BLOC1S5: variants seen among roughly 807,000 people sequenced by gnomAD.
BLOC1S5 encodes the protein biogenesis of lysosome-related organelles complex 1 subunit 5.
BLOC1S5 carries 27 observed loss-of-function variants against 24.3 expected under a neutral mutation model. The observed-to-expected ratio is 1.11, with a 90% CI of 0.82 to 1.53. BLOC1S5 has a LOEUF of 1.53. BLOC1S5 is among the 40% of genes most tolerant of loss of function. The probability of loss-of-function intolerance (pLI) is 0.00; values close to 1 mark genes in which losing one functional copy is unlikely to be tolerated. For synonymous variants in BLOC1S5, 84 were observed against 74.5 expected (o/e 1.13, Z -0.66); for missense variants, 239 against 229.4 (o/e 1.04, Z -0.27).
intron 2 of BLOC1S5, among the ~76,000 whole-genome samples, chr6:8,046,192 G>A (rs1018620039): frequency 3.3e-5 from 5 of 152,136 alleles, no homozygotes; most frequent in South Asian, 2.1e-4. Flanking sequence ...CTTATCAGGG[G>A]TTTCTGCTTT....
intron 3 of BLOC1S5, among the ~76,000 whole-genome samples, chr6:8,040,318 C>T (rs1581415286): frequency 1.3e-5 from 2 of 152,212 alleles, no homozygotes; most frequent in East Asian, 3.9e-4. Flanking sequence ...GGTGAAAATT[C>T]TAACTAGTAA....
chr6:8,035,128 G>A (rs922017488), intron 3 of BLOC1S5, among the ~76,000 whole-genome samples: 2 of 152,080 alleles, frequency 1.3e-5, no homozygotes, highest in Non-Finnish European at 2.9e-5. Context: ...TCGCTTATAA[G>A]TGGGAGCTAA....
chr6:8,054,908 C>T (rs1408579579), intron 2 of BLOC1S5, among the ~76,000 whole-genome samples: 1 of 152,094 alleles, frequency 6.6e-6, no homozygotes, highest in Non-Finnish European at 1.5e-5. Flanking sequence ...TTTTTCATTC[C>T]AATTTTCAAC....
At chr6:8,035,588 T>C (rs572145169) in intron 3 of BLOC1S5, among the ~76,000 whole-genome samples, 13 of 152,236 alleles carry the variant, frequency 8.5e-5, no homozygotes, top group African/African-American at 1.4e-4. Flanking sequence ...GGAGTAACTA[T>C]ACTTACATCA....
intron 3 of BLOC1S5, among the ~76,000 whole-genome samples, chr6:8,034,912 T>C (rs1246211827): frequency 1.3e-5 from 2 of 151,508 alleles, no homozygotes; most frequent in African/African-American, 4.9e-5. Context: ...AATCAACAAG[T>C]GGATAAAGAA....
At chr6:8,061,246 G>T (rs768204395) in intron 2 of BLOC1S5, among the ~76,000 whole-genome samples, 14 of 151,824 alleles carry the variant, frequency 9.2e-5, no homozygotes, top group South Asian at 2.1e-4. Flanking sequence ...AATAAATAAT[G>T]ATGACAAATA....
intron 3 of BLOC1S5, among the ~76,000 whole-genome samples, chr6:8,035,953 C>T (rs1763472125): frequency 6.6e-6 from 1 of 152,124 alleles, no homozygotes; most frequent in African/African-American, 2.4e-5. Context: ...GCACACAGAA[C>T]ATTCTCTGGA....
At chr6:8,044,392 C>T (rs1256644036) in intron 2 of BLOC1S5, among the ~76,000 whole-genome samples, 1 of 151,372 alleles carries the variant, frequency 6.6e-6, no homozygotes. Flanking sequence ...CTTTTTCTTT[C>T]CAGTCTTGGG....
chr6:8,019,870 T>C (rs1290823002), intron 4 of BLOC1S5, among the ~76,000 whole-genome samples: 1 of 152,132 alleles, frequency 6.6e-6, no homozygotes, highest in South Asian at 2.1e-4. Context: ...GACGACACCC[T>C]ATGAAAAAGT....
At chr6:8,016,776 G>A (rs1421590379) in intron 4 of BLOC1S5, among the ~76,000 whole-genome samples, 1 of 149,072 alleles carries the variant, frequency 6.7e-6, no homozygotes, top group Non-Finnish European at 1.5e-5. Flanking sequence ...AGCTACTCGG[G>A]AAACTGAGGC....
chr6:8,050,661 G>A (rs1220165102), intron 2 of BLOC1S5, among the ~76,000 whole-genome samples: 2 of 151,224 alleles, frequency 1.3e-5, no homozygotes, highest in African/African-American at 2.4e-5. Context: ...GGAGTGCGGC[G>A]GTGTGATCTC....
At chr6:8,018,922 C>T (rs914133261) in intron 4 of BLOC1S5, among the ~76,000 whole-genome samples, 1 of 152,230 alleles carries the variant, frequency 6.6e-6, no homozygotes, top group Non-Finnish European at 1.5e-5. Flanking sequence ...CCCCTCCATT[C>T]CTAGATTCAA....
At chr6:8,055,931 G>A (rs2113600120) in intron 2 of BLOC1S5, among the ~76,000 whole-genome samples, 1 of 152,290 alleles carries the variant, frequency 6.6e-6, no homozygotes, top group African/African-American at 2.4e-5. Flanking sequence ...TTGGGAGGTG[G>A]GGTCTGGGCC....
intron 3 of BLOC1S5, among the ~76,000 whole-genome samples, chr6:8,029,404 T>C (rs1376304830): frequency 2.0e-5 from 3 of 152,188 alleles, no homozygotes; most frequent in African/African-American, 4.8e-5. Flanking sequence ...ATGGTTTCTA[T>C]GCTAAAAGAG....
intron 4 of BLOC1S5, among the ~76,000 whole-genome samples, chr6:8,018,516 C>G (rs1000312636): frequency 1.3e-5 from 2 of 152,194 alleles, no homozygotes; most frequent in Non-Finnish European, 2.9e-5. Flanking sequence ...CCAACCAGAA[C>G]GCATTTTATC....
chr6:8,061,322 A>G (rs1461927532), intron 2 of BLOC1S5, among the ~76,000 whole-genome samples: 1 of 152,236 alleles, frequency 6.6e-6, no homozygotes, highest in Non-Finnish European at 1.5e-5. Context: ...ACGATGTGGT[A>G]TAATCAGATT....
At chr6:8,023,008 T>A (rs1414831363) in intron 4 of BLOC1S5, among the ~76,000 whole-genome samples, 2 of 152,214 alleles carry the variant, frequency 1.3e-5, no homozygotes, top group Non-Finnish European at 2.9e-5. Flanking sequence ...GCATTCATAT[T>A]TACTTCATAA....
intron 2 of BLOC1S5, among the ~76,000 whole-genome samples, chr6:8,049,047 G>A (rs1019329485): frequency 1.6e-4 from 20 of 124,964 alleles, no homozygotes; most frequent in African/African-American, 5.9e-4. Flanking sequence ...AAGAGGAGGG[G>A]AGGGGAGAGG....
chr6:8,039,830 G>C (rs1375847204), intron 3 of BLOC1S5, among the ~76,000 whole-genome samples: 2 of 152,114 alleles, frequency 1.3e-5, no homozygotes, highest in East Asian at 3.8e-4. Context: ...GGGAAGACAG[G>C]GGTATGGGAC....
Sources: allele counts gnomAD v4.1 joint callset (sites outside exome capture counted in the v4.1 genomes callset), GRCh38; gene constraint gnomAD v4.1.1; transcripts MANE v1.5; gene names NCBI Gene and HGNC (gene_info 2026-07-23, HGNC 2026-07-21).